Variants in PMVK observed in about 807,000 individuals in gnomAD.
The protein encoded by PMVK is testis tissue sperm-binding protein Li 95mP.
PMVK carries 10 observed loss-of-function variants against 19.0 expected under a neutral mutation model. That is an observed-to-expected ratio of 0.53 (90% CI 0.32 to 0.89). PMVK has a LOEUF of 0.89. PMVK is among the 40% of genes least tolerant of loss of function. The probability of loss-of-function intolerance (pLI) is 0.03; values close to 1 mark genes in which losing one functional copy is unlikely to be tolerated. For synonymous variants in PMVK, 108 were observed against 101.6 expected (o/e 1.06, Z -0.38); for missense variants, 222 against 251.1 (o/e 0.88, Z 0.78).
At chr1:154,940,737 C>T (rs189969662), upstream of PMVK, among the ~76,000 whole-genome samples, 1 of 152,242 alleles carries the variant, frequency 6.6e-6, no homozygotes, top group East Asian at 1.9e-4. Flanking sequence ...ATCCAATTAG[C>T]CTCGGGGCAA....
Position 154,925,028 on chromosome 1 carries a change from T to G in PMVK, c.*101A>C. 94 of 567,096 alleles carry G rather than the reference T, an allele frequency of 1.7e-4. No homozygotes were observed. Among genetic ancestry groups the G allele is most frequent in the Non-Finnish European group, 2.4e-4 (86 of 357,944 alleles). The allele number at this position is 567,096 out of a possible 1,614,324, so 35.1% of individuals were successfully genotyped here. Reference sequence around the variant, plus strand: ...CCCCTCAGAATCTAGACCCCCCCTGTCTGTTCCTCACCTCGGCCAGGATCG... The same window carrying G: ...CCCCTCAGAATCTAGACCCCCCCTGGCTGTTCCTCACCTCGGCCAGGATCG... On this transcript the variant is annotated 3_prime_UTR_variant, in exon 5 of 5. Coordinates refer to ENST00000368467, the MANE Select transcript of PMVK (RefSeq NM_006556.4).
At chr1:154,929,671 C>T (rs905911306) in intron 2 of PMVK, among the ~76,000 whole-genome samples, 1 of 152,058 alleles carries the variant, frequency 6.6e-6, no homozygotes, top group Admixed American at 6.5e-5. Context: ...ATTCCTGGCG[C>T]CTTTGCTGAA....
At chr1:154,932,723 G>A (rs1482545022) in intron 1 of PMVK, among the ~76,000 whole-genome samples, 1 of 152,218 alleles carries the variant, frequency 6.6e-6, no homozygotes, top group Non-Finnish European at 1.5e-5. Flanking sequence ...AGCTGGATTA[G>A]GTTATTGCCC....
At position 154,925,012 on chromosome 1, in the gene PMVK, A is replaced by G; in HGVS notation, c.*117T>C. On this transcript the variant is annotated 3_prime_UTR_variant, in exon 5 of 5. Transcript: ENST00000368467. ...CCCAATATCCACCAACCCCCTCAGA[A>G]TCTAGACCCCCCCTGTCTGTTCCTC... 1 of 622,866 alleles carries G rather than the reference A, an allele frequency of 1.6e-6. No homozygotes were observed. Among genetic ancestry groups the G allele is most frequent in the East Asian group, 5.6e-5 (1 of 17,790 alleles). The allele number at this position is 622,866 out of a possible 1,614,324, so 38.6% of individuals were successfully genotyped here.
At chr1:154,926,290 C>G (rs1054843650) in intron 4 of PMVK, 64 bp downstream of exon 4, 1 of 1,529,878 alleles carries the variant, frequency 6.5e-7, no homozygotes, top group Non-Finnish European at 8.9e-7. Flanking sequence ...CAGGCCTGCC[C>G]GGTAGACAAA....
At chr1:154,936,344 T>C (rs1654503120) in intron 1 of PMVK, 24 of 969,282 alleles carry the variant, frequency 2.5e-5, no homozygotes, top group Non-Finnish European at 2.8e-5. Context: ...GAACCATTAT[T>C]AATGCTTCTC....
intron 2 of PMVK, among the ~76,000 whole-genome samples, chr1:154,930,621 G>C (rs1370281126): frequency 6.9e-6 from 1 of 145,844 alleles, no homozygotes; most frequent in African/African-American, 2.6e-5. Flanking sequence ...GGAGGCCTTT[G>C]GAAGTGCCTA....
At chr1:154,942,444 G>A in the PMVK span, among the ~76,000 whole-genome samples, 1 of 152,238 alleles carries the variant, frequency 6.6e-6, no homozygotes, top group Non-Finnish European at 1.5e-5. Flanking sequence ...CACCACCAGT[G>A]CTGCATGGGT....
At chr1:154,940,105 C>T (rs1183434646), upstream of PMVK, among the ~76,000 whole-genome samples, 1 of 152,170 alleles carries the variant, frequency 6.6e-6, no homozygotes, top group Non-Finnish European at 1.5e-5. Flanking sequence ...CCTCATGCCA[C>T]TATTTCTGGA....
At position 154,927,512 on chromosome 1, in the gene PMVK, G is replaced by C. The variant is rs532537510; in HGVS notation, c.313-1029C>G. On this transcript the variant is annotated intron_variant, in intron 3 of 4. Transcript: ENST00000368467. The stretch of plus-strand genomic sequence containing the variant: ...TCCTCCACCCGGCCCCTGTGCTTCT[G>C]CTCCCATCTTCCCCACAGCAGCTAT... Among the ~76,000 whole-genome samples, 6 of 147,172 alleles carry C rather than the reference G, an allele frequency of 4.1e-5. No homozygotes were observed. In the East Asian group the frequency reaches 1.2e-3, roughly 29 times the overall value.
At position 154,928,937 on chromosome 1, in the gene PMVK, G is replaced by A. The variant is rs1654252022; in HGVS notation, c.312+87C>T. 9 of 1,327,764 alleles carry A rather than the reference G, an allele frequency of 6.8e-6. No individual in the cohort carries two copies. In the Admixed American group the frequency reaches 6.9e-5, roughly 10 times the overall value. The allele number at this position is 1,327,764 out of a possible 1,614,324, so 82.2% of individuals were successfully genotyped here. Reference sequence around the variant, plus strand: ...CAGAAATGGTGGGGGCTTGGGCCAGGATGGTGGCAGTGGAGACAGAGAGAG... The same window carrying A: ...CAGAAATGGTGGGGGCTTGGGCCAGAATGGTGGCAGTGGAGACAGAGAGAG... On this transcript the variant is annotated intron_variant, in intron 3 of 4. Transcript: ENST00000368467.
chr1:154,931,502 G>A (rs1184116326), intron 2 of PMVK, among the ~76,000 whole-genome samples: 4 of 151,866 alleles, frequency 2.6e-5, no homozygotes, highest in African/African-American at 7.3e-5. Flanking sequence ...ATTTACAGTC[G>A]AAAATCTCTC....
chr1:154,928,286 G>A (rs116432369), intron 3 of PMVK, among the ~76,000 whole-genome samples: 76 of 152,322 alleles, frequency 5.0e-4, no homozygotes, highest in African/African-American at 1.5e-3. Context: ...GAAGGAGTTC[G>A]ACTGACTTGA....
At chr1:154,932,465 T>C in intron 1 of PMVK, 50 bp from the exon 2 acceptor site, 2 of 1,362,576 alleles carry the variant, frequency 1.5e-6, no homozygotes, top group Non-Finnish European at 2.0e-6. Flanking sequence ...TTCCAGGAGC[T>C]TCCATGTCCC....
At chr1:154,939,975 C>T (rs1654607238), upstream of PMVK, among the ~76,000 whole-genome samples, 1 of 150,466 alleles carries the variant, frequency 6.6e-6, no homozygotes, top group Non-Finnish European at 1.5e-5. Context: ...TAAGGTCTTG[C>T]TATGTTTCCC....
chr1:154,932,603 T>A lies in PMVK; in HGVS notation c.96-188A>T, dbSNP rs572122619. On this transcript the variant is annotated intron_variant, in intron 1 of 4. Transcript: ENST00000368467. ...AATGGGGATAACACTTTCTGTTCTG[T>A]CTCCCACACAGGATTATTATGAAAC... Among the ~76,000 whole-genome samples, 5 of 152,242 alleles carry A rather than the reference T, an allele frequency of 3.3e-5. No individual in the cohort carries two copies. In the South Asian group the frequency reaches 1.0e-3, roughly 32 times the overall value.
intron 2 of PMVK, among the ~76,000 whole-genome samples, chr1:154,930,469 A>G (rs1279370021): frequency 6.6e-6 from 1 of 152,138 alleles, no homozygotes; most frequent in African/African-American, 2.4e-5. Context: ...TCAAATATAA[A>G]TAAAATAAAT....
At position 154,929,070 on chromosome 1, in the gene PMVK, C is replaced by T. The variant is rs1351916250; in HGVS notation, c.266G>A (p.Gly89Asp). The stretch of plus-strand genomic sequence containing the variant: ...CTCCACAATCTTCCTGCAAAAGAAG[C>T]CTGGGTCAGCCTGGCGTTTCTCCTC... ...WGEEKRQADP[G>D]FFCRKIVEGI... Residue 89 changes from glycine (G) to aspartate (D), a missense_variant, in exon 3 of 5, where the codon GGC (glycine) becomes GAC (aspartate). Physicochemically the swap from Gly to Asp is moderately conservative, Grantham distance 94. Coordinates refer to ENST00000368467, the MANE Select transcript of PMVK (RefSeq NM_006556.4). 1 of 1,614,178 alleles carries T rather than the reference C, an allele frequency of 6.2e-7. No individual in the cohort carries two copies. The highest frequency in any genetic ancestry group is 2.2e-5 in the East Asian group (1 of 44,880).
Position 154,929,087 on chromosome 1 carries a change from T to A in PMVK, c.249A>T (p.Lys83Asn), listed in dbSNP as rs1654258276. The A allele has an allele frequency of 1.2e-6, 2 of 1,614,042 alleles. No homozygotes were observed. Among genetic ancestry groups the A allele is most frequent in the Admixed American group, 1.7e-5 (1 of 59,992 alleles). Residue 83 changes from lysine to asparagine, a missense_variant, in exon 3 of 5, where the codon AAA becomes AAT. Physicochemically the swap from Lys to Asn is moderately conservative, Grantham distance 94. Coordinates refer to ENST00000368467, the MANE Select transcript of PMVK (RefSeq NM_006556.4). Reference protein sequence around the residue: ...RKDMIRWGEEKRQADPGFFCR... With the variant: ...RKDMIRWGEENRQADPGFFCR... ...AAAAGAAGCCTGGGTCAGCCTGGCG[T>A]TTCTCCTCTCCCCAGCGGATCATGT...
Sources: allele counts gnomAD v4.1 joint callset (sites outside exome capture counted in the v4.1 genomes callset), GRCh38; gene constraint gnomAD v4.1.1; transcripts MANE v1.5; gene names NCBI Gene and HGNC (gene_info 2026-07-23, HGNC 2026-07-21).